The following RBFOX3 variants were observed in gnomAD, a reference collection of about 807,000 sequenced individuals.
The protein encoded by RBFOX3 is RNA binding protein fox-1 homolog 3.
RBFOX3 carries 17 observed loss-of-function variants against 48.7 expected under a neutral mutation model. That is an observed-to-expected ratio of 0.35 (90% confidence interval 0.24 to 0.52). RBFOX3 has a LOEUF of 0.52. RBFOX3 is among the 20% of genes least tolerant of loss of function. The pLI is 0.94. For missense variants in RBFOX3, 382 were observed against 497.5 expected, an observed-to-expected ratio of 0.77 and a Z score of 2.21; for synonymous variants, 212 against 209.5, an observed-to-expected ratio of 1.01 and a Z score of -0.10.
rs897188935 is a variant in RBFOX3, at chr17:79,519,398, A to T, written c.-319-36800T>A. Among the ~76,000 whole-genome samples, 709 of 152,358 alleles carry T rather than the reference A, an allele frequency of 4.7e-3. 5 individuals carry two copies. The highest frequency in any genetic ancestry group is 0.016 in the African/African-American group (673 of 41,590). Reference sequence around the variant, plus strand: ...GGCCCTGGAATGGCCCCGGCTTTGCAGCCCACCCAGCTCAGAGGTGGGACC... The same window carrying T: ...GGCCCTGGAATGGCCCCGGCTTTGCTGCCCACCCAGCTCAGAGGTGGGACC... On this transcript the variant is annotated intron_variant, in intron 1 of 14. Transcript: ENST00000693108.
chr17:79,411,518 T>G (rs2064336741), intron 2 of RBFOX3, among the ~76,000 whole-genome samples: 2 of 152,100 alleles, frequency 1.3e-5, no homozygotes, highest in Non-Finnish European at 2.9e-5. Flanking sequence ...CAGGTCTCCA[T>G]CAGTTCCCTC....
chr17:79,662,963 C>G, the RBFOX3 span, among the ~76,000 whole-genome samples: 235 of 152,234 alleles, frequency 1.5e-3, 1 homozygote, highest in African/African-American at 5.4e-3. Context: ...ATGACAAACA[C>G]AGGAAGGAAA....
rs1258820824 is a variant in RBFOX3 at position 79,195,778 on chromosome 17, CT to C, written c.-34+39987del. Among the ~76,000 whole-genome samples the C allele has an allele frequency of 6.6e-6, 1 of 152,340 alleles. No homozygotes were observed. The highest frequency in any genetic ancestry group is 2.1e-4 in the South Asian group (1 of 4,830). On this transcript the variant is annotated intron_variant, in intron 4 of 14. Coordinates refer to ENST00000693108, the MANE Select transcript of RBFOX3 (RefSeq NM_001350451.2). This position sits in a 1 kb window ranked among gnomAD's most constrained non-coding sequence, Gnocchi z 5.3. Reference sequence around the variant, plus strand: ...TTGGGGATGAGCTCACAGGCAAATACTTCTGCTTCCTAACCTGTGACCTGTG... The same window carrying C: ...TTGGGGATGAGCTCACAGGCAAATACTCTGCTTCCTAACCTGTGACCTGTG...
intron 2 of RBFOX3, among the ~76,000 whole-genome samples, chr17:79,403,128 G>C (rs558584880): frequency 1.5e-4 from 23 of 152,302 alleles, no homozygotes; most frequent in Non-Finnish European, 2.6e-4. Context: ...GGAAGACTTG[G>C]CTCCCTCCCC....
chr17:79,378,513 G>A (rs769274316), intron 2 of RBFOX3, among the ~76,000 whole-genome samples: 6 of 152,170 alleles, frequency 3.9e-5, no homozygotes, highest in Admixed American at 1.3e-4. Context: ...GACATAACCC[G>A]TGGCCGCCCT....
At chr17:79,485,577 C>T (rs1273669813) in intron 1 of RBFOX3, among the ~76,000 whole-genome samples, 1 of 152,198 alleles carries the variant, frequency 6.6e-6, no homozygotes, top group Non-Finnish European at 1.5e-5. Context: ...AGAGGCTGAG[C>T]TGAAGGCGGT....
In RBFOX3 at chr17:79,106,566, T is replaced by G. The variant is rs2146657632; in HGVS notation, c.360+85A>C. The G allele has an allele frequency of 2.2e-6, 3 of 1,375,814 alleles. No homozygotes were observed. In the East Asian group the frequency reaches 9.1e-5, roughly 42 times the overall value. The allele number at this position is 1,375,814 out of a possible 1,614,324, so 85.2% of individuals were successfully genotyped here. On this transcript the variant is annotated intron_variant, in intron 6 of 14. Transcript: ENST00000693108. ...GGCAGGAAACCCGGGGGAACAGGTG[T>G]CGGCAGGAAGGCAGGGCCTGTGGGC...
At chr17:79,134,561 C>CA (rs1163684373) in intron 4 of RBFOX3, among the ~76,000 whole-genome samples, 2 of 152,222 alleles carry the variant, frequency 1.3e-5, no homozygotes, top group African/African-American at 4.8e-5. Flanking sequence ...CTCTGCTCCT[C>CA]AAAGTCTGGA....
At chr17:79,494,220 T>C (rs2081112253) in intron 1 of RBFOX3, among the ~76,000 whole-genome samples, 2 of 152,104 alleles carry the variant, frequency 1.3e-5, no homozygotes, top group Admixed American at 1.3e-4. Flanking sequence ...GCTGTACAAC[T>C]GGGCTAGGTG....
rs2061147506 is a variant in RBFOX3, at chr17:79,390,001, GCAGCC to G, written c.-174-82182_-174-82178del. ...GGGTCTCCGCAGCCTCCAGGTCTCC[GCAGCC>G]TCCAGGTCTCCGCAGCCTCCAGGTC... On this transcript the variant is annotated intron_variant, in intron 2 of 14. Transcript: ENST00000693108. The surrounding 1 kb of genome is among the most constrained non-coding windows in gnomAD (Gnocchi z 4.2). Among the ~76,000 whole-genome samples the G allele has an allele frequency of 8.8e-6, 1 of 113,102 alleles. No individual in the cohort carries two copies. The highest frequency in any genetic ancestry group is 2.0e-5 in the Non-Finnish European group (1 of 51,214). 74.2% of individuals were successfully genotyped at this position (113,102 alleles called of 152,430 possible).
intron 1 of RBFOX3, among the ~76,000 whole-genome samples, chr17:79,560,687 C>T (rs982496825): frequency 7.9e-4 from 121 of 152,272 alleles, no homozygotes; most frequent in African/African-American, 2.8e-3. Flanking sequence ...ACAGCCAGAA[C>T]ACTCGTGGCG....
At position 79,243,222 on chromosome 17, in the gene RBFOX3, A is replaced by G. The variant is rs570945973; in HGVS notation, c.-73-7417T>C. Among the ~76,000 whole-genome samples, 1 of 152,264 alleles carries G rather than the reference A, an allele frequency of 6.6e-6. No individual in the cohort carries two copies. The highest frequency in any genetic ancestry group is 1.9e-4 in the East Asian group (1 of 5,152). ...TTTGCGCGAGACCCACCTGACCACA[A>G]CCTTGTGCTTAGAGCTGATTATTCT... On this transcript the variant is annotated intron_variant, in intron 3 of 14. Coordinates refer to ENST00000693108, the MANE Select transcript of RBFOX3 (RefSeq NM_001350451.2). This position sits in a 1 kb window ranked among gnomAD's most constrained non-coding sequence, Gnocchi z 7.9.
At chr17:79,596,389 T>A (rs2093570615) in intron 1 of RBFOX3, among the ~76,000 whole-genome samples, 1 of 152,164 alleles carries the variant, frequency 6.6e-6, no homozygotes, top group South Asian at 2.1e-4. Context: ...CCTGGGGCTC[T>A]CTGATCAGCA....
At position 79,205,082 on chromosome 17, in the gene RBFOX3, C is replaced by T. The variant is rs1409574295; in HGVS notation, c.-34+30684G>A. Among the ~76,000 whole-genome samples, 1 of 152,164 alleles carries T rather than the reference C, an allele frequency of 6.6e-6. No individual in the cohort carries two copies. Among genetic ancestry groups the T allele is most frequent in the Admixed American group, 6.5e-5 (1 of 15,288 alleles). On this transcript the variant is annotated intron_variant, in intron 4 of 14. Coordinates refer to ENST00000693108, the MANE Select transcript of RBFOX3 (RefSeq NM_001350451.2). This position sits in a 1 kb window ranked among gnomAD's most constrained non-coding sequence, Gnocchi z 4.5. ...AAGGCAGTTCTCCAGTCAGAGCCCA[C>T]TGGTGGAAGGAAGACCAGGTAGGGC...
intron 2 of RBFOX3, among the ~76,000 whole-genome samples, chr17:79,372,697 T>C (rs2058722343): frequency 6.6e-6 from 1 of 151,928 alleles, no homozygotes; most frequent in Non-Finnish European, 1.5e-5. Context: ...GACAGACGTG[T>C]GAGACACACC....
At chr17:79,638,064 C>G in the RBFOX3 span, among the ~76,000 whole-genome samples, 1 of 151,790 alleles carries the variant, frequency 6.6e-6, no homozygotes, top group Non-Finnish European at 1.5e-5. Context: ...CACAATACAC[C>G]AAAATGTATG....
chr17:79,251,220 A>G (rs552548298), intron 3 of RBFOX3, among the ~76,000 whole-genome samples: 3 of 152,076 alleles, frequency 2.0e-5, no homozygotes, highest in Non-Finnish European at 4.4e-5. Flanking sequence ...TCCGCCACCC[A>G]CCACCAGGAA....
At chr17:79,614,489 G>C (rs2093986786), upstream of RBFOX3, among the ~76,000 whole-genome samples, 1 of 152,148 alleles carries the variant, frequency 6.6e-6, no homozygotes, top group Non-Finnish European at 1.5e-5. Context: ...CCCCCCTAAG[G>C]TGAGTAAAAA....
At chr17:79,345,790 C>A (rs1160292027) in intron 2 of RBFOX3, among the ~76,000 whole-genome samples, 2 of 152,264 alleles carry the variant, frequency 1.3e-5, no homozygotes, top group East Asian at 3.9e-4. Context: ...TTTTTCTAAA[C>A]CATTCAATAT....
Sources: allele counts gnomAD v4.1 joint callset (sites outside exome capture counted in the v4.1 genomes callset), GRCh38; gene constraint gnomAD v4.1.1; non-coding constraint Gnocchi (gnomAD v3.1); transcripts MANE v1.5; gene names NCBI Gene and HGNC (gene_info 2026-07-23, HGNC 2026-07-21).